NBAS: variants seen among roughly 807,000 people sequenced by gnomAD.
The protein encoded by NBAS is NAG/BC035112 fusion.
A neutral mutation model predicts 302.5 loss-of-function variants in NBAS; 219 were observed. The ratio of observed to expected loss-of-function variants is 0.72; its 90% CI spans 0.65 to 0.81. The LOEUF (loss-of-function observed/expected upper bound fraction) is 0.81, where lower values mean the gene tolerates loss of function less well. Among genes scored for constraint, NBAS ranks in the 30% least tolerant of loss-of-function variants. The pLI is 0.00. For missense variants in NBAS, 2,932 were observed against 2,841.6 expected, an observed-to-expected ratio of 1.03 and a Z score of -0.72; for synonymous variants, 1,118 against 1,021.6, an observed-to-expected ratio of 1.09 and a Z score of -1.80.
the NBAS span, among the ~76,000 whole-genome samples, chr2:14,977,814 C>T: frequency 1.4e-4 from 21 of 152,170 alleles, no homozygotes; most frequent in Non-Finnish European, 2.5e-4. Flanking sequence ...GCTCTCCTCT[C>T]AGGATACCTG....
intron 6 of NBAS, among the ~76,000 whole-genome samples, chr2:15,546,467 G>A (rs987652220): frequency 4.6e-5 from 7 of 152,062 alleles, no homozygotes; most frequent in African/African-American, 9.7e-5. Flanking sequence ...GGTGGCTCAC[G>A]CCTGTAAGCC....
intron 50 of NBAS, among the ~76,000 whole-genome samples, chr2:15,182,930 A>G (rs1033200275): frequency 3.3e-5 from 5 of 152,194 alleles, no homozygotes; most frequent in African/African-American, 1.2e-4. Context: ...GAGCTTAGTG[A>G]AAAACGGGAA....
chr2:14,924,824 T>C, the NBAS span, among the ~76,000 whole-genome samples: 1 of 152,172 alleles, frequency 6.6e-6, no homozygotes, highest in African/African-American at 2.4e-5. Context: ...CCCTACACAA[T>C]TATTTCTGCA....
the NBAS span, among the ~76,000 whole-genome samples, chr2:15,097,978 AAT>A: frequency 0.028 from 1,339 of 47,756 alleles, 1 homozygote; most frequent in East Asian, 0.035. Flanking sequence ...TATTGTATAT[AAT>A]ATATATATTA....
the NBAS span, among the ~76,000 whole-genome samples, chr2:14,889,541 C>A: frequency 2.0e-5 from 3 of 152,102 alleles, no homozygotes; most frequent in East Asian, 5.8e-4. Flanking sequence ...CAGATTACTG[C>A]GATTTTCTAA....
chr2:15,217,297 T>A (rs943264728), intron 48 of NBAS, among the ~76,000 whole-genome samples: 32 of 152,238 alleles, frequency 2.1e-4, no homozygotes, highest in African/African-American at 7.7e-4. Context: ...ATAGAGAATC[T>A]TTGATAGGTC....
intron 10 of NBAS, among the ~76,000 whole-genome samples, chr2:15,510,189 A>G (rs1347397762): frequency 6.6e-6 from 1 of 152,214 alleles, no homozygotes; most frequent in Admixed American, 6.5e-5. Context: ...TAACTAAGAC[A>G]TGCAAGACTG....
the NBAS span, among the ~76,000 whole-genome samples, chr2:14,924,482 G>A: frequency 2.0e-5 from 3 of 152,330 alleles, no homozygotes; most frequent in African/African-American, 7.2e-5. Context: ...TTCCCAGCAT[G>A]CATTAATTTA....
At chr2:15,349,605 A>G (rs970473138) in intron 35 of NBAS, among the ~76,000 whole-genome samples, 8 of 152,170 alleles carry the variant, frequency 5.3e-5, no homozygotes, top group Non-Finnish European at 1.2e-4. Context: ...TCTGATGTCC[A>G]ATCTGGTAGA....
chr2:15,123,123 C>T, the NBAS span, among the ~76,000 whole-genome samples: 1 of 152,302 alleles, frequency 6.6e-6, no homozygotes, highest in East Asian at 1.9e-4. Context: ...AGCAGGCTTT[C>T]GTTCTGGCTC....
chr2:15,338,875 T>C (rs1672720082), intron 35 of NBAS, among the ~76,000 whole-genome samples: 1 of 152,010 alleles, frequency 6.6e-6, no homozygotes, highest in Non-Finnish European at 1.5e-5. Context: ...TACCCAGGGA[T>C]AGTGGCATGC....
intron 35 of NBAS, among the ~76,000 whole-genome samples, chr2:15,349,151 G>C (rs1673233810): frequency 6.6e-6 from 1 of 152,166 alleles, no homozygotes; most frequent in African/African-American, 2.4e-5. Context: ...GCATGAAAAG[G>C]GATGATGCTG....
chr2:14,922,431 A>G, the NBAS span, among the ~76,000 whole-genome samples: 9 of 152,220 alleles, frequency 5.9e-5, no homozygotes, highest in African/African-American at 2.2e-4. Context: ...CTCTTTCCTC[A>G]TTCTAAAGGC....
chr2:15,090,499 T>C, the NBAS span, among the ~76,000 whole-genome samples: 1 of 152,170 alleles, frequency 6.6e-6, no homozygotes, highest in East Asian at 1.9e-4. Context: ...TCCAGAGAAA[T>C]GGAGAGGACA....
chr2:15,111,697 T>C, the NBAS span, among the ~76,000 whole-genome samples: 2 of 151,612 alleles, frequency 1.3e-5, no homozygotes, highest in Admixed American at 6.6e-5. Flanking sequence ...AGAACCCAGA[T>C]TGAAAACAAT....
At chr2:15,323,522 A>G (rs60337623) in intron 38 of NBAS, among the ~76,000 whole-genome samples, 2,798 of 152,302 alleles carry the variant, frequency 0.018, 77 homozygotes, top group East Asian at 0.13. Flanking sequence ...AGTCTTCACT[A>G]TGGTTTCACA....
At chr2:15,223,982 T>A (rs1275537171) in intron 47 of NBAS, among the ~76,000 whole-genome samples, 1 of 152,210 alleles carries the variant, frequency 6.6e-6, no homozygotes, top group Non-Finnish European at 1.5e-5. Context: ...ACGCTATTTT[T>A]AAAAATTTGC....
At chr2:14,924,839 A>G in the NBAS span, among the ~76,000 whole-genome samples, 1 of 152,148 alleles carries the variant, frequency 6.6e-6, no homozygotes, top group Non-Finnish European at 1.5e-5. Flanking sequence ...TCTGCAGGGA[A>G]AGGCCCCTTA....
At chr2:15,235,179 G>C (rs1294655663) in intron 45 of NBAS, among the ~76,000 whole-genome samples, 1 of 152,112 alleles carries the variant, frequency 6.6e-6, no homozygotes, top group Admixed American at 6.6e-5. Flanking sequence ...TGTAATCCCA[G>C]GTATTATACA....
Sources: allele counts gnomAD v4.1 joint callset (sites outside exome capture counted in the v4.1 genomes callset), GRCh38; gene constraint gnomAD v4.1.1; transcripts MANE v1.5; gene names NCBI Gene and HGNC (gene_info 2026-07-23, HGNC 2026-07-21).